Variants in LCP2 observed in about 807,000 individuals in gnomAD.
The protein encoded by LCP2 is 76 kDa tyrosine phosphoprotein.
A neutral mutation model predicts 74.5 loss-of-function variants in LCP2; 29 were observed. That is an observed-to-expected ratio of 0.39 (90% CI 0.29 to 0.53). The LOEUF (loss-of-function observed/expected upper bound fraction) is 0.53. LCP2 is among the 20% of genes least tolerant of loss of function. The probability of loss-of-function intolerance (pLI) is 0.72; values close to 1 mark genes in which losing one functional copy is unlikely to be tolerated. For synonymous variants in LCP2, 228 were observed against 229.5 expected (o/e 0.99, Z 0.06); for missense variants, 604 against 634.6 (o/e 0.95, Z 0.52).
chr5:170,274,202 G>A (rs975951847), intron 6 of LCP2, 99 bp downstream of exon 6: 27 of 1,274,550 alleles, frequency 2.1e-5, no homozygotes, highest in Middle Eastern at 1.9e-4. Flanking sequence ...CTGGCATCAT[G>A]TTAGAGCCCC....
At chr5:170,278,830 G>A (rs1025578311) in intron 3 of LCP2, among the ~76,000 whole-genome samples, 7 of 152,250 alleles carry the variant, frequency 4.6e-5, no homozygotes, top group African/African-American at 1.7e-4. Context: ...GAGCTGAGTG[G>A]GGGCAGAACA....
At chr5:170,260,121 C>G (rs918793520) in intron 14 of LCP2, among the ~76,000 whole-genome samples, 1 of 152,190 alleles carries the variant, frequency 6.6e-6, no homozygotes, top group African/African-American at 2.4e-5. Flanking sequence ...TATTCTGTGT[C>G]CTCCCTATCA....
chr5:170,257,885 G>A (rs1199689699), intron 16 of LCP2, among the ~76,000 whole-genome samples, 152 bp downstream of exon 16: 1 of 152,274 alleles, frequency 6.6e-6, no homozygotes, highest in East Asian at 1.9e-4. Context: ...CGTTCTTAAT[G>A]CTCAGTTTGG....
Position 170,256,399 on chromosome 5 carries a change from T to C in LCP2, c.1150+127A>G, listed in dbSNP as rs1761552116. On this transcript the variant is annotated intron_variant, in intron 17 of 20. Transcript: ENST00000046794. This position sits in a 1 kb window ranked among gnomAD's most constrained non-coding sequence, Gnocchi z 4.5. The stretch of plus-strand genomic sequence containing the variant: ...CACACTGCAGACACGGAATTAAATG[T>C]TGAATGAGGAAATCAGATGCTTTTA... The C allele has an allele frequency of 1.3e-6, 1 of 775,412 alleles. No homozygotes were observed. The highest frequency in any genetic ancestry group is 2.2e-6 in the Non-Finnish European group (1 of 447,786). 48.0% of individuals were successfully genotyped at this position (775,412 alleles called of 1,614,324 possible). A position where few individuals can be genotyped will look rare whatever the true frequency, so the allele number is the denominator to read the frequency against.
At chr5:170,289,628 TC>T (rs1762245142) in intron 2 of LCP2, among the ~76,000 whole-genome samples, 1 of 101,050 alleles carries the variant, frequency 9.9e-6, no homozygotes, top group African/African-American at 4.3e-5. Context: ...TTTCTTTCTT[TC>T]TTTCTTTCTT....
chr5:170,297,459 A>T, intron 1 of LCP2, 75 bp downstream of exon 1: 1 of 1,345,602 alleles, frequency 7.4e-7, no homozygotes, highest in East Asian at 2.5e-5. Context: ...TTCTGCCCCA[A>T]TTCCATCGTC....
At chr5:170,295,468 A>G (rs77337270) in intron 1 of LCP2, among the ~76,000 whole-genome samples, 6,071 of 152,278 alleles carry the variant, frequency 0.04, 197 homozygotes, top group South Asian at 0.12. Context: ...TATTTCACTG[A>G]TGAGGAAGTT....
At chr5:170,279,821 T>A (rs559269858) in intron 3 of LCP2, among the ~76,000 whole-genome samples, 8 of 152,196 alleles carry the variant, frequency 5.3e-5, no homozygotes, top group Non-Finnish European at 1.0e-4. Context: ...AGCTGGCCTC[T>A]GATGTAGCCC....
intron 8 of LCP2, 74 bp from the exon 9 acceptor site, chr5:170,267,149 G>T: frequency 2.1e-6 from 3 of 1,432,260 alleles, no homozygotes; most frequent in Non-Finnish European, 2.9e-6. Context: ...AACCTGTCTG[G>T]ATCTGCTCAC....
In LCP2 at chr5:170,270,993, C is replaced by T. The variant is rs374003650; in HGVS notation, c.325-76G>A. 1.9e-5 allele frequency: 25 copies of T among 1,283,420 alleles called. No homozygotes were observed. In the African/African-American group the frequency reaches 3.7e-4, roughly 19 times the overall value. 79.5% of individuals were successfully genotyped at this position (1,283,420 alleles called of 1,614,324 possible). A position where few individuals can be genotyped will look rare whatever the true frequency, so the allele number is the denominator to read the frequency against. On this transcript the variant is annotated intron_variant, in intron 6 of 20. Transcript: ENST00000046794. ...TCGATGTGCCTGTGCCTACTCTCTCCCTGCCAAGCCTCACAACAGTATAAC... is the reference window on the plus strand; with the variant it reads ...TCGATGTGCCTGTGCCTACTCTCTCTCTGCCAAGCCTCACAACAGTATAAC...
At chr5:170,291,226 A>AAGGAAGAAAGG (rs1561979324) in intron 2 of LCP2, among the ~76,000 whole-genome samples, 2,809 of 52,642 alleles carry the variant, frequency 0.053, 93 homozygotes, top group African/African-American at 0.17. Context: ...AGGAAGGAAG[A>AAGGAAGAAAGG]AAGGAAGGAA....
In LCP2 at chr5:170,250,742, G is replaced by C. The variant is rs1561964924; in HGVS notation, c.1467C>G (p.Leu489=). The C allele has an allele frequency of 1.2e-6, 2 of 1,613,190 alleles. No homozygotes were observed. The highest frequency in any genetic ancestry group is 4.5e-5 in the East Asian group (2 of 44,854). Residue 489 remains leucine, a synonymous_variant, in exon 20 of 21, where the codon CTC becomes CTG. Coordinates refer to ENST00000046794, the MANE Select transcript of LCP2 (RefSeq NM_005565.5). ...ESQVYLLGTG[L]RGKEDFLSVS... The stretch of plus-strand genomic sequence containing the variant: ...TTGAAATCCTTACCTCTTTCCCTCG[G>C]AGTCCAGTTCCCAACAAGTAAACTT...
At chr5:170,266,512 T>C (rs935866673) in intron 10 of LCP2, among the ~76,000 whole-genome samples, 11 of 152,200 alleles carry the variant, frequency 7.2e-5, no homozygotes, top group Admixed American at 6.5e-4. Flanking sequence ...TATACACAGA[T>C]CATCCACATC....
intron 15 of LCP2, among the ~76,000 whole-genome samples, 163 bp downstream of exon 15, chr5:170,258,703 C>T (rs933149790): frequency 5.3e-5 from 8 of 152,184 alleles, no homozygotes; most frequent in Non-Finnish European, 1.0e-4. Flanking sequence ...ATCCATTTTA[C>T]GATAGTTATG....
At position 170,271,388 on chromosome 5, in the gene LCP2, T is replaced by C. The variant is rs143231623; in HGVS notation, c.325-471A>G. Among the ~76,000 whole-genome samples the C allele has an allele frequency of 3.3e-3, 499 of 152,148 alleles. 1 individual carries two copies. Among genetic ancestry groups the C allele is most frequent in the African/African-American group, 0.012 (478 of 41,516 alleles). On this transcript the variant is annotated intron_variant, in intron 6 of 20. Transcript: ENST00000046794. ...CCTGGTGCAGCGTTGAAGGCCCGGC[T>C]AAGGGGAAAAACAGATAAACAAAGC...
intron 17 of LCP2, among the ~76,000 whole-genome samples, chr5:170,255,932 C>T (rs140570763): frequency 8.1e-4 from 123 of 152,298 alleles, no homozygotes; most frequent in Admixed American, 2.8e-3. Context: ...GACTTCACTC[C>T]GGACTTACTG....
In LCP2 at chr5:170,256,869, A is replaced by C. The variant is rs1761561999; in HGVS notation, c.1101-294T>G. ...TACTTTAAAAATTGGCTGCAACTTGAGCTCTTTGAGTTGGGAGAATACAGA... is the reference window on the plus strand; with the variant it reads ...TACTTTAAAAATTGGCTGCAACTTGCGCTCTTTGAGTTGGGAGAATACAGA... On this transcript the variant is annotated intron_variant, in intron 16 of 20. Transcript: ENST00000046794. The surrounding 1 kb of genome is among the most constrained non-coding windows in gnomAD (Gnocchi z 4.5). 6.6e-6 allele frequency among the ~76,000 whole-genome samples: 1 copy of C among 152,214 alleles called. No homozygotes were observed. Among genetic ancestry groups the C allele is most frequent in the Non-Finnish European group, 1.5e-5 (1 of 68,034 alleles).
In LCP2 at chr5:170,273,992, G is replaced by C; in HGVS notation, c.324+309C>G. The C allele has an allele frequency of 7.7e-6, 3 of 390,866 alleles. No individual in the cohort carries two copies. The South Asian group carries it at 8.4e-5, about 11-fold the overall frequency. The allele number at this position is 390,866 out of a possible 1,614,324, so 24.2% of individuals were successfully genotyped here. On this transcript the variant is annotated intron_variant, in intron 6 of 20. Coordinates refer to ENST00000046794, the MANE Select transcript of LCP2 (RefSeq NM_005565.5). ...AGCAAAGTACAGCCTAGGGCCACGT[G>C]CAGCCTACCCTCTGTGTTTGCAAAT...
At chr5:170,260,946 C>T in intron 14 of LCP2, 161 bp downstream of exon 14, 1 of 628,222 alleles carries the variant, frequency 1.6e-6, no homozygotes, top group Non-Finnish European at 2.9e-6. Flanking sequence ...ATGACCAAGG[C>T]CCAAAGACAG....
Sources: gnomAD v4.1 joint callset for allele counts (sites outside exome capture counted in the v4.1 genomes callset) on GRCh38, gnomAD v4.1.1 for gene constraint, Gnocchi (gnomAD v3.1) non-coding constraint, MANE v1.5 for transcripts, NCBI Gene and HGNC (gene_info 2026-07-23, HGNC 2026-07-21) for gene names.